CADM2: variants seen among roughly 807,000 people sequenced by gnomAD.
CADM2 encodes cell adhesion molecule 2.
A neutral mutation model predicts 49.8 loss-of-function variants in CADM2; 12 were observed. The observed-to-expected ratio is 0.24, with a 90% CI of 0.15 to 0.39. The LOEUF (loss-of-function observed/expected upper bound fraction) is 0.39. CADM2 is among the 10% of genes least tolerant of loss of function. The pLI is 1.00. For missense variants in CADM2, 378 were observed against 492.3 expected, an observed-to-expected ratio of 0.77 and a Z score of 2.20; for synonymous variants, 214 against 175.4, an observed-to-expected ratio of 1.22 and a Z score of -1.74.
intron 1 of CADM2, among the ~76,000 whole-genome samples, chr3:85,184,787 A>T (rs1421358209): frequency 6.6e-6 from 1 of 152,110 alleles, no homozygotes; most frequent in Non-Finnish European, 1.5e-5. Context: ...GATAGTAAGA[A>T]ATTCTAATTT....
chr3:85,040,019 A>G (rs2035375280), intron 1 of CADM2, among the ~76,000 whole-genome samples: 1 of 152,226 alleles, frequency 6.6e-6, no homozygotes, highest in South Asian at 2.1e-4. Flanking sequence ...TTCTCAGTTC[A>G]TTGAAGGTAA....
chr3:85,184,208 T>G (rs1005432668), intron 1 of CADM2, among the ~76,000 whole-genome samples: 26 of 152,134 alleles, frequency 1.7e-4, no homozygotes, highest in African/African-American at 5.1e-4. Context: ...TGAGAGATTA[T>G]GTGACCTTTG....
chr3:85,885,542 C>G (rs573295323), intron 4 of CADM2, among the ~76,000 whole-genome samples: 1 of 152,042 alleles, frequency 6.6e-6, no homozygotes, highest in South Asian at 2.1e-4. Context: ...ATTAGCCGGG[C>G]TTGGTGGCAC....
In CADM2 at chr3:85,119,589, G is replaced by A. The variant is rs139483941; in HGVS notation, c.61+159921G>A. Among the ~76,000 whole-genome samples the A allele has an allele frequency of 2.1e-3, 318 of 152,138 alleles. 2 individuals are homozygous for A. Among genetic ancestry groups the A allele is most frequent in the African/African-American group, 7.3e-3 (302 of 41,490 alleles). On this transcript the variant is annotated intron_variant, in intron 1 of 9. Transcript: ENST00000383699. Reference sequence around the variant, plus strand: ...GCACTGAATCTATAAATTACTTTGGGCAGTATGGGCATTTTCATGATATTG... The same window carrying A: ...GCACTGAATCTATAAATTACTTTGGACAGTATGGGCATTTTCATGATATTG...
chr3:85,370,253 AT>A (rs2033122951), intron 1 of CADM2, among the ~76,000 whole-genome samples: 1 of 146,952 alleles, frequency 6.8e-6, no homozygotes, highest in Non-Finnish European at 1.5e-5. Context: ...AATAATAATA[AT>A]AATAAAATTT....
chr3:85,450,232 A>G (rs1477153851), intron 1 of CADM2, among the ~76,000 whole-genome samples: 1 of 152,178 alleles, frequency 6.6e-6, no homozygotes, highest in Non-Finnish European at 1.5e-5. Flanking sequence ...TAATTGTCAC[A>G]TATGTTATGG....
chr3:85,851,981 G>T (rs761274548), intron 3 of CADM2, among the ~76,000 whole-genome samples: 26 of 152,012 alleles, frequency 1.7e-4, no homozygotes, highest in Non-Finnish European at 3.4e-4. Flanking sequence ...TTAAGTTTGA[G>T]ATTCTTGTAA....
chr3:86,034,414 G>C (rs573520901), intron 8 of CADM2, among the ~76,000 whole-genome samples: 1 of 151,912 alleles, frequency 6.6e-6, no homozygotes, highest in African/African-American at 2.4e-5. Flanking sequence ...CACCTTCCAC[G>C]ACATGAGGAT....
chr3:85,126,756 A>G (rs552295373), intron 1 of CADM2, among the ~76,000 whole-genome samples: 5 of 152,264 alleles, frequency 3.3e-5, no homozygotes, highest in Admixed American at 2.0e-4. Context: ...AAGTCAATGA[A>G]CACAAAAATG....
At chr3:85,145,405 G>T (rs1164444657) in intron 1 of CADM2, among the ~76,000 whole-genome samples, 2 of 151,958 alleles carry the variant, frequency 1.3e-5, no homozygotes, top group African/African-American at 2.4e-5. Context: ...TTCAAATAAG[G>T]ATGACTTTTT....
At chr3:85,104,524 T>C (rs1268777579) in intron 1 of CADM2, among the ~76,000 whole-genome samples, 1 of 152,128 alleles carries the variant, frequency 6.6e-6, no homozygotes, top group African/African-American at 2.4e-5. Flanking sequence ...GCTTTGTTCT[T>C]TTGGCTTAGG....
intron 1 of CADM2, among the ~76,000 whole-genome samples, chr3:85,246,038 A>T (rs2042638446): frequency 6.6e-6 from 1 of 152,214 alleles, no homozygotes; most frequent in South Asian, 2.1e-4. Flanking sequence ...TCAAAGACTG[A>T]TAATGTAAAT....
intron 5 of CADM2, among the ~76,000 whole-genome samples, chr3:85,910,671 C>T (rs1248355689): frequency 6.6e-6 from 1 of 151,876 alleles, no homozygotes; most frequent in Non-Finnish European, 1.5e-5. Context: ...TGGTTCTGTT[C>T]TTCTTTCTAA....
chr3:85,833,462 G>C (rs896241298), intron 3 of CADM2, among the ~76,000 whole-genome samples: 4 of 151,604 alleles, frequency 2.6e-5, no homozygotes, highest in Non-Finnish European at 4.4e-5. Flanking sequence ...TCTGATCCAG[G>C]GCTCTTTTTG....
chr3:85,842,113 A>G (rs565592863), intron 3 of CADM2, among the ~76,000 whole-genome samples: 21 of 152,248 alleles, frequency 1.4e-4, no homozygotes, highest in African/African-American at 4.8e-4. Context: ...AAAAAAGTCT[A>G]CCAAGAAAAC....
intron 1 of CADM2, among the ~76,000 whole-genome samples, chr3:85,355,136 T>C (rs1576406638): frequency 6.6e-6 from 1 of 152,080 alleles, no homozygotes; most frequent in East Asian, 1.9e-4. Flanking sequence ...AGGACGGTGG[T>C]CAGTTTTTAG....
At chr3:85,413,652 C>T (rs1004488122) in intron 1 of CADM2, among the ~76,000 whole-genome samples, 13 of 152,118 alleles carry the variant, frequency 8.5e-5, no homozygotes, top group Non-Finnish European at 1.8e-4. Flanking sequence ...TTTAAACAGT[C>T]GGATCTTGTG....
chr3:85,047,001 G>C (rs1471559944), intron 1 of CADM2, among the ~76,000 whole-genome samples: 1 of 151,882 alleles, frequency 6.6e-6, no homozygotes, highest in South Asian at 2.1e-4. Context: ...AGACATAAAA[G>C]GTTCTGCAGA....
chr3:85,882,939 C>G (rs1482525780), intron 3 of CADM2, among the ~76,000 whole-genome samples: 1 of 152,104 alleles, frequency 6.6e-6, no homozygotes, highest in Non-Finnish European at 1.5e-5. Flanking sequence ...AGAAGTGAAC[C>G]CATTTTGTTT....
Sources: allele counts gnomAD v4.1 joint callset (sites outside exome capture counted in the v4.1 genomes callset), GRCh38; gene constraint gnomAD v4.1.1; transcripts MANE v1.5; gene names NCBI Gene and HGNC (gene_info 2026-07-23, HGNC 2026-07-21).